ANO10: variants seen among roughly 807,000 people sequenced by gnomAD.
ANO10 encodes the protein anoctamin 10.
In ANO10, 77 loss-of-function variants were observed where a neutral mutation model predicts 74.7. The observed-to-expected ratio is 1.03, with a 90% confidence interval of 0.86 to 1.25. The LOEUF (loss-of-function observed/expected upper bound fraction) is 1.25. Among genes scored for constraint, ANO10 ranks in the 50% most tolerant of loss-of-function variants. The pLI is 0.00. For synonymous variants in ANO10, 279 were observed against 284.9 expected, an observed-to-expected ratio of 0.98 and a Z score of 0.21; for missense variants, 721 against 778.1, an observed-to-expected ratio of 0.93 and a Z score of 0.87.
At chr3:43,526,175 T>G (rs1033374309) in intron 11 of ANO10, among the ~76,000 whole-genome samples, 1 of 152,206 alleles carries the variant, frequency 6.6e-6, no homozygotes, top group Admixed American at 6.5e-5. Flanking sequence ...ACATATGGAC[T>G]GTAAAATTAC....
At chr3:43,461,005 C>G (rs189565262) in intron 11 of ANO10, among the ~76,000 whole-genome samples, 1 of 146,450 alleles carries the variant, frequency 6.8e-6, no homozygotes, top group African/African-American at 2.5e-5. Context: ...AAAAAAAAAA[C>G]AGGAAAAAAT....
intron 11 of ANO10, among the ~76,000 whole-genome samples, chr3:43,434,229 A>T (rs1467795328): frequency 6.6e-6 from 1 of 152,248 alleles, no homozygotes; most frequent in African/African-American, 2.4e-5. Flanking sequence ...TGTGACTGCC[A>T]TGACCAAAGA....
intron 12 of ANO10, among the ~76,000 whole-genome samples, chr3:43,405,675 T>C (rs1322780614): frequency 5.3e-5 from 8 of 152,138 alleles, no homozygotes; most frequent in Admixed American, 6.5e-5. Context: ...GGTCTCACCA[T>C]GTTGCCCAGG....
At chr3:43,675,049 G>A (rs771703758) in intron 1 of ANO10, among the ~76,000 whole-genome samples, 3 of 152,032 alleles carry the variant, frequency 2.0e-5, no homozygotes, top group Admixed American at 6.6e-5. Context: ...GAAAAATATC[G>A]ATCATGTTTT....
chr3:43,591,952 C>A (rs2081789987), intron 4 of ANO10, among the ~76,000 whole-genome samples: 1 of 152,228 alleles, frequency 6.6e-6, no homozygotes, highest in African/African-American at 2.4e-5. Context: ...GAGATTATAT[C>A]CTGTGCCTGG....
At chr3:43,430,380 A>G (rs1251891207) in intron 12 of ANO10, among the ~76,000 whole-genome samples, 1 of 151,500 alleles carries the variant, frequency 6.6e-6, no homozygotes, top group Non-Finnish European at 1.5e-5. Flanking sequence ...TAAAAGATAC[A>G]CCCAGACTTT....
intron 1 of ANO10, among the ~76,000 whole-genome samples, chr3:43,680,177 A>G (rs563561640): frequency 5.0e-4 from 76 of 152,312 alleles, no homozygotes; most frequent in Admixed American, 2.0e-3. Context: ...CAAAGAAGTT[A>G]AAAACCTTGA....
rs558898168 is a variant in ANO10, at chr3:43,425,087, T to C, written c.1914+7524A>G. On this transcript the variant is annotated intron_variant, in intron 12 of 12. Coordinates refer to ENST00000292246, the MANE Select transcript of ANO10 (RefSeq NM_018075.5). ...ATTTAACATTTCATTCTGAACTAGA[T>C]GTTAGCAGATTAATATGTGATTACC... Among the ~76,000 whole-genome samples the C allele has an allele frequency of 1.8e-3, 273 of 152,304 alleles. 1 individual carries two copies. The highest frequency in any genetic ancestry group is 6.2e-3 in the African/African-American group (259 of 41,558).
Position 43,605,713 on chromosome 3 carries a change from C to A in ANO10, c.139+1G>T, listed in dbSNP as rs777450156. On this transcript the variant is annotated splice_donor_variant, in intron 2 of 12. Coordinates refer to ENST00000292246, the MANE Select transcript of ANO10 (RefSeq NM_018075.5). LOFTEE classifies it high-confidence loss of function. ...GTCTGAGCAGTGACTATTTTACTCA[C>A]CTCCATCTTTTTTTTTAGCTATAAT... 6.8e-6 allele frequency: 11 copies of A among 1,613,240 alleles called. No individual in the cohort carries two copies. The Admixed American group carries it at 8.3e-5, about 12-fold the overall frequency.
intron 1 of ANO10, among the ~76,000 whole-genome samples, chr3:43,609,941 T>C (rs1363079559): frequency 2.0e-5 from 3 of 152,332 alleles, no homozygotes; most frequent in East Asian, 3.9e-4. Flanking sequence ...TAAGACATTA[T>C]TGTATACTAC....
chr3:43,654,601 C>T (rs929135349), intron 1 of ANO10, among the ~76,000 whole-genome samples: 1 of 152,094 alleles, frequency 6.6e-6, no homozygotes, highest in Non-Finnish European at 1.5e-5. Context: ...GATGAGAGAA[C>T]TAGTAACACA....
At chr3:43,607,894 G>A (rs1575536364) in intron 1 of ANO10, among the ~76,000 whole-genome samples, 1 of 151,976 alleles carries the variant, frequency 6.6e-6, no homozygotes, top group East Asian at 1.9e-4. Flanking sequence ...ATCAGACAAA[G>A]CTAAAGATAA....
chr3:43,435,559 T>G (rs1450060289), intron 11 of ANO10, among the ~76,000 whole-genome samples: 1 of 151,886 alleles, frequency 6.6e-6, no homozygotes, highest in Non-Finnish European at 1.5e-5. Context: ...TATTCATTCA[T>G]TCTGCAAATA....
At chr3:43,587,775 G>A (rs1253050373) in intron 4 of ANO10, among the ~76,000 whole-genome samples, 7 of 151,692 alleles carry the variant, frequency 4.6e-5, no homozygotes, top group East Asian at 1.9e-4. Context: ...ATATTTAAAC[G>A]TTAATGAGAA....
chr3:43,467,578 C>T (rs1284986910), intron 11 of ANO10, among the ~76,000 whole-genome samples: 1 of 152,184 alleles, frequency 6.6e-6, no homozygotes, highest in African/African-American at 2.4e-5. Flanking sequence ...CAGTGACAGC[C>T]TGTGCTGGGG....
intron 11 of ANO10, among the ~76,000 whole-genome samples, chr3:43,521,214 C>G (rs192437185): frequency 1.5e-3 from 226 of 152,232 alleles, no homozygotes; most frequent in African/African-American, 5.3e-3. Flanking sequence ...GGGGAGGTAC[C>G]CTTTTTCTTG....
intron 1 of ANO10, among the ~76,000 whole-genome samples, chr3:43,629,376 G>A (rs564227346): frequency 6.6e-6 from 1 of 152,306 alleles, no homozygotes; most frequent in South Asian, 2.1e-4. Flanking sequence ...TATGAAGATA[G>A]TCATGTGATT....
At chr3:43,478,379 C>T (rs1192932374) in intron 11 of ANO10, among the ~76,000 whole-genome samples, 1 of 152,138 alleles carries the variant, frequency 6.6e-6, no homozygotes, top group Non-Finnish European at 1.5e-5. Context: ...CCTAACAAAC[C>T]CTTTAAAGTA....
chr3:43,367,037 G>A (rs1212317634), intron 12 of ANO10, 63 bp from the exon 13 acceptor site: 2 of 1,475,786 alleles, frequency 1.4e-6, no homozygotes, highest in East Asian at 2.4e-5. Flanking sequence ...CGAGGCCTCT[G>A]CTCTCTGTGG....
Sources: gnomAD v4.1 joint callset for allele counts (sites outside exome capture counted in the v4.1 genomes callset) on GRCh38, gnomAD v4.1.1 for gene constraint, MANE v1.5 for transcripts, NCBI Gene and HGNC (gene_info 2026-07-23, HGNC 2026-07-21) for gene names.